The following ELF1 variants were observed in gnomAD, a reference collection of about 807,000 sequenced individuals.
ELF1 encodes the protein E74 like ETS transcription factor 1, also known as ETS-related transcription factor Elf-1.
In ELF1, 24 loss-of-function variants were observed where a neutral mutation model predicts 59.9. The ratio of observed to expected loss-of-function variants is 0.40; its 90% CI spans 0.29 to 0.56. The LOEUF is 0.56. Ranked by LOEUF, ELF1 falls within the 20% of genes least tolerant of loss-of-function variation. The pLI, the probability that ELF1 is intolerant of heterozygous loss-of-function variation, is 0.44. For missense variants in ELF1, 627 were observed against 742.2 expected (o/e 0.84, Z 1.80); for synonymous variants, 248 against 266.2 (o/e 0.93, Z 0.67).
At chr13:40,939,270 G>A (rs892561336) in intron 8 of ELF1, among the ~76,000 whole-genome samples, 1 of 152,116 alleles carries the variant, frequency 6.6e-6, no homozygotes, top group African/African-American at 2.4e-5. Flanking sequence ...CTATGATGGT[G>A]TCATTACACT....
chr13:41,008,958 C>T (rs1164917669), intron 1 of ELF1, among the ~76,000 whole-genome samples: 3 of 150,572 alleles, frequency 2.0e-5, no homozygotes, highest in Non-Finnish European at 3.0e-5. Flanking sequence ...CTTTTTTGCA[C>T]TTTTTTTTTT....
Position 41,009,231 on chromosome 13 carries a change from T to C in ELF1, c.-229+9997A>G, listed in dbSNP as rs144990956. 8.5e-3 allele frequency among the ~76,000 whole-genome samples: 1,297 copies of C among 152,160 alleles called. 23 individuals are homozygous for C. The highest frequency in any genetic ancestry group is 0.03 in the African/African-American group (1,228 of 41,534). ...ATGTAACCCACATGAACCAAAGCTCTTTGGGAGCCTCAATTTTAATAGTAT... is the reference window on the plus strand; with the variant it reads ...ATGTAACCCACATGAACCAAAGCTCCTTGGGAGCCTCAATTTTAATAGTAT... On this transcript the variant is annotated intron_variant, in intron 1 of 8. Transcript: ENST00000239882.
intron 1 of ELF1, among the ~76,000 whole-genome samples, chr13:41,031,694 C>A (rs991218376): frequency 6.6e-6 from 1 of 151,498 alleles, no homozygotes; most frequent in African/African-American, 2.4e-5. Context: ...TTGGTGGGCG[C>A]CTGTAATCCC....
chr13:40,975,421 G>A (rs890920012), intron 2 of ELF1, among the ~76,000 whole-genome samples: 6 of 152,060 alleles, frequency 3.9e-5, no homozygotes, highest in African/African-American at 1.2e-4. Flanking sequence ...CAACAGAGTA[G>A]AGGGAAAAAC....
Position 40,941,095 on chromosome 13 carries a change from A to G in ELF1, c.1082T>C (p.Val361Ala), listed in dbSNP as rs182666808. The G allele has an allele frequency of 1.5e-5, 25 of 1,614,178 alleles. No individual in the cohort carries two copies. Among genetic ancestry groups the G allele is most frequent in the Middle Eastern group, 3.3e-4 (2 of 6,062 alleles). Residue 361 changes from valine (V) to alanine (A), a missense_variant, in exon 8 of 9, where the codon GTT (valine) becomes GCT (alanine). Val to Ala is a moderately conservative substitution (Grantham distance 64). Coordinates refer to ENST00000239882, the MANE Select transcript of ELF1 (RefSeq NM_172373.4). ...CCTCAAAACTTCTGATGGTTGTGCA[A>G]CTTCCACAGGATCTTTGGGTTTTGC... The part of the protein sequence containing the change: ...KAAKPKDPVE[V>A]AQPSEVLRTV...
intron 1 of ELF1, among the ~76,000 whole-genome samples, chr13:40,983,378 G>A (rs368805743): frequency 3.3e-5 from 5 of 152,132 alleles, no homozygotes; most frequent in Admixed American, 6.5e-5. Flanking sequence ...CCCTGAAAAC[G>A]TAAATCCAGC....
chr13:40,974,121 A>G (rs2138244486), intron 2 of ELF1, among the ~76,000 whole-genome samples: 2 of 152,328 alleles, frequency 1.3e-5, no homozygotes, highest in Admixed American at 1.3e-4. Context: ...AATTCTGTAT[A>G]AACTTAAAAC....
rs1057004869 is a variant in ELF1, at chr13:40,957,935, A to G, written c.253+901T>C. Reference sequence around the variant, plus strand: ...TAGACTTACTATTCAGTTCTAAGGCATTGTGCTACATGCTAAGGTAAAGCT... The same window carrying G: ...TAGACTTACTATTCAGTTCTAAGGCGTTGTGCTACATGCTAAGGTAAAGCT... On this transcript the variant is annotated intron_variant, in intron 3 of 8. Transcript: ENST00000239882. Among the ~76,000 whole-genome samples, 7 of 152,360 alleles carry G rather than the reference A, an allele frequency of 4.6e-5. No individual in the cohort carries two copies. In the South Asian group the frequency reaches 1.2e-3, roughly 27 times the overall value.
intron 1 of ELF1, among the ~76,000 whole-genome samples, chr13:40,994,509 G>A (rs185528350): frequency 2.0e-5 from 3 of 148,350 alleles, no homozygotes; most frequent in East Asian, 1.9e-4. Flanking sequence ...TAGGCATGGT[G>A]GGGGGGTGCC....
At chr13:41,042,857 A>G (rs1011806008) in intron 1 of ELF1, among the ~76,000 whole-genome samples, 29 of 152,182 alleles carry the variant, frequency 1.9e-4, no homozygotes, top group African/African-American at 7.0e-4. Flanking sequence ...TGGCATTTCT[A>G]GTTCTAGATC....
In ELF1 at chr13:40,959,007, G is replaced by T. The variant is rs144442221; in HGVS notation, c.82C>A (p.Pro28Thr). ...VMEDERQLGD[P>T]AIFPAVIVEH... ...ACAATTACGGCAGGAAAAATAGCTG[G>T]ATCACCAAGCTGGGAAGGGTTAGGG... The change falls in exon 3 of 9, where the codon CCA becomes ACA. Residue 28 changes from proline (P) to threonine (T), a missense_variant. Physicochemically the swap from Pro to Thr is conservative, Grantham distance 38 (BLOSUM62 -1). Around this residue, in one of 3 missense-constraint regions of ELF1, gnomAD observed 232 missense variants for 269.2 expected, o/e 0.86. Coordinates refer to ENST00000239882, the MANE Select transcript of ELF1 (RefSeq NM_172373.4). 37 of 1,610,424 alleles carry T rather than the reference G, an allele frequency of 2.3e-5. No individual in the cohort carries two copies. The highest frequency in any genetic ancestry group is 1.7e-4 in the Middle Eastern group (1 of 6,042).
chr13:41,022,798 G>C (rs1875740892), upstream of ELF1, among the ~76,000 whole-genome samples: 1 of 152,164 alleles, frequency 6.6e-6, no homozygotes, highest in South Asian at 2.1e-4. Flanking sequence ...AGAATCGCTT[G>C]AACCTGGGAG....
Position 40,959,007 on chromosome 13 carries a change from G to C in ELF1, c.82C>G (p.Pro28Ala). Residue 28 changes from proline to alanine, a missense_variant, in exon 3 of 9, where the codon CCA becomes GCA. Coordinates refer to ENST00000239882, the MANE Select transcript of ELF1 (RefSeq NM_172373.4). ...VMEDERQLGD[P>A]AIFPAVIVEH... is the part of the protein sequence containing the mutation. ...ACAATTACGGCAGGAAAAATAGCTG[G>C]ATCACCAAGCTGGGAAGGGTTAGGG... is the stretch of plus-strand genomic sequence containing the variant. The C allele has an allele frequency of 6.2e-7, 1 of 1,610,424 alleles. No homozygotes were observed. The highest frequency in any genetic ancestry group is 8.5e-7 in the Non-Finnish European group (1 of 1,178,288).
At chr13:41,025,431 C>T (rs1038116672) in intron 1 of ELF1, among the ~76,000 whole-genome samples, 1 of 152,176 alleles carries the variant, frequency 6.6e-6, no homozygotes, top group Non-Finnish European at 1.5e-5. Flanking sequence ...TTATCCAGTC[C>T]AGTGGTTTCT....
In ELF1 at chr13:41,052,017, T is replaced by A. The variant is rs9566675; in HGVS notation, c.-229+8821A>T. Among the ~76,000 whole-genome samples the A allele has an allele frequency of 2.7e-3, 407 of 148,444 alleles. 8 individuals carry two copies. The East Asian group carries it at 0.051, about 19-fold the overall frequency. ...GTGCAATGGCATGATATCGACTCAC[T>A]GCAACCTCCACTTCCCAGGTTCAAG... On this transcript the variant is annotated intron_variant, in intron 1 of 1. Transcript: ENST00000405737.
At chr13:41,060,703 C>T (rs1352015056) in intron 1 of ELF1, 3 of 162,182 alleles carry the variant, frequency 1.8e-5, no homozygotes, top group Admixed American at 1.3e-4. Context: ...CCCTCCAAAC[C>T]GATAGTTGCA....
chr13:40,942,289 ATCTG>A (rs1483473930), intron 7 of ELF1, among the ~76,000 whole-genome samples: 1 of 152,212 alleles, frequency 6.6e-6, no homozygotes, highest in Non-Finnish European at 1.5e-5. Context: ...TTATATCTAT[ATCTG>A]TCTATCCCCT....
chr13:40,937,618 C>T (rs1016769001), intron 8 of ELF1, among the ~76,000 whole-genome samples: 1 of 151,816 alleles, frequency 6.6e-6, no homozygotes, highest in African/African-American at 2.4e-5. Context: ...TACAGGCGCC[C>T]GCCACTACGC....
chr13:41,002,604 C>G (rs1235627079), intron 1 of ELF1, among the ~76,000 whole-genome samples: 3 of 143,862 alleles, frequency 2.1e-5, no homozygotes, highest in Non-Finnish European at 4.6e-5. Context: ...AAAAAAAAGG[C>G]AAGTCCCATC....
Sources: allele counts gnomAD v4.1 joint callset (sites outside exome capture counted in the v4.1 genomes callset), GRCh38; gene constraint gnomAD v4.1.1; regional missense constraint gnomAD v4.1.1; transcripts MANE v1.5; gene names NCBI Gene and HGNC (gene_info 2026-07-23, HGNC 2026-07-21).